The following IFT80 variants were observed in gnomAD, a reference collection of about 807,000 sequenced individuals.
IFT80 encodes intraflagellar transport 80.
A neutral mutation model predicts 107.9 loss-of-function variants in IFT80; 79 were observed. The ratio of observed to expected loss-of-function variants is 0.73; its 90% CI spans 0.61 to 0.88. The LOEUF (loss-of-function observed/expected upper bound fraction) is 0.88, where lower values mean the gene tolerates loss of function less well. Among genes scored for constraint, IFT80 ranks in the 40% least tolerant of loss-of-function variants. The pLI is 0.00. For synonymous variants in IFT80, 299 were observed against 300.9 expected, an observed-to-expected ratio of 0.99 and a Z score of 0.07; for missense variants, 797 against 914.2, an observed-to-expected ratio of 0.87 and a Z score of 1.65.
At chr3:160,380,280 G>A (rs934988530) in intron 3 of IFT80, among the ~76,000 whole-genome samples, 10 of 151,700 alleles carry the variant, frequency 6.6e-5, no homozygotes, top group Non-Finnish European at 8.8e-5. Context: ...CAAATGATGC[G>A]CCCACCTCAG....
intron 1 of IFT80, among the ~76,000 whole-genome samples, chr3:160,398,078 C>A (rs1410073965): frequency 6.6e-6 from 1 of 152,112 alleles, no homozygotes; most frequent in Admixed American, 6.5e-5. Context: ...TGCTTACCAG[C>A]CAAAAAACTT....
chr3:160,362,780 C>A (rs939295720), intron 6 of IFT80, among the ~76,000 whole-genome samples: 1 of 152,166 alleles, frequency 6.6e-6, no homozygotes, highest in East Asian at 1.9e-4. Flanking sequence ...ATGATTATCT[C>A]AATAGATGCA....
intron 8 of IFT80, among the ~76,000 whole-genome samples, chr3:160,324,714 G>T (rs201473602): frequency 6.6e-6 from 1 of 152,038 alleles, no homozygotes; most frequent in Non-Finnish European, 1.5e-5. Context: ...CTTTGAAAAC[G>T]GGCACAGGAC....
intron 1 of IFT80, among the ~76,000 whole-genome samples, chr3:160,392,970 G>A (rs940331428): frequency 6.6e-6 from 1 of 152,200 alleles, no homozygotes; most frequent in Non-Finnish European, 1.5e-5. Context: ...ACTTGGGAAG[G>A]CTGAAGCAGG....
At chr3:160,313,660 A>C (rs867962502) in intron 9 of IFT80, among the ~76,000 whole-genome samples, 41 of 147,376 alleles carry the variant, frequency 2.8e-4, no homozygotes, top group African/African-American at 9.6e-4. Context: ...CCCAGGCTGG[A>C]GTGCAGTGGC....
In IFT80 at chr3:160,303,934, A is replaced by G. The variant is rs1423427929; in HGVS notation, c.1132T>C (p.Leu378=). ...AATTACCTTTCTGCCTGCAGAATCA[A>G]ACTAACAGTTCCTTCTTTGAGATCA... ...IFDLKEGTVS[L]ILQAERHFLL... The change falls in exon 11 of 20, where the codon TTG becomes CTG. Residue 378 remains leucine (L), a synonymous_variant. Coordinates refer to ENST00000326448, the MANE Select transcript of IFT80 (RefSeq NM_020800.3). The G allele has an allele frequency of 6.2e-7, 1 of 1,610,872 alleles. No individual in the cohort carries two copies. Among genetic ancestry groups the G allele is most frequent in the South Asian group, 1.1e-5 (1 of 90,976 alleles).
At position 160,319,741 on chromosome 3, in the gene IFT80, C is replaced by A; in HGVS notation, c.957+19G>T. 1.9e-6 allele frequency: 3 copies of A among 1,605,388 alleles called. No homozygotes were observed. The highest frequency in any genetic ancestry group is 2.2e-5 in the South Asian group (2 of 90,870). On this transcript the variant is annotated intron_variant, in intron 9 of 19. Coordinates refer to ENST00000326448, the MANE Select transcript of IFT80 (RefSeq NM_020800.3). ...TATGAAAAGAAGCAGGTTTAATCAA[C>A]CTTGGAACATAATAATACCTGCATG...
At chr3:160,295,254 C>G (rs373996116) in intron 12 of IFT80, among the ~76,000 whole-genome samples, 2 of 152,116 alleles carry the variant, frequency 1.3e-5, no homozygotes, top group East Asian at 3.9e-4. Flanking sequence ...TTGCCCACTT[C>G]TAGTGAGAAT....
intron 12 of IFT80, chr3:160,299,290 G>A: frequency 9.3e-7 from 1 of 1,073,884 alleles, no homozygotes. Context: ...TGAAGAGATA[G>A]AAAAGCTCTA....
chr3:160,275,934 G>A (rs1264959698), intron 18 of IFT80, among the ~76,000 whole-genome samples: 2 of 151,922 alleles, frequency 1.3e-5, no homozygotes, highest in African/African-American at 2.4e-5. Context: ...ATGGAGTCTC[G>A]GTCTGGTCGC....
rs539691541 is a variant in IFT80, at chr3:160,317,780, C to G, written c.957+1980G>C. 1.2e-4 allele frequency among the ~76,000 whole-genome samples: 18 copies of G among 152,146 alleles called. No homozygotes were observed. The South Asian group carries it at 3.5e-3, about 30-fold the overall frequency. ...CTGAGAAACTCTACCAGACAGATAA[C>G]TTGGTTCTTCAACAAACAAAATGCA... On this transcript the variant is annotated intron_variant, in intron 9 of 19. Transcript: ENST00000326448.
intron 8 of IFT80, among the ~76,000 whole-genome samples, chr3:160,343,258 C>T (rs1223978661): frequency 6.6e-6 from 1 of 152,010 alleles, no homozygotes; most frequent in Non-Finnish European, 1.5e-5. Context: ...CAGGGAGATG[C>T]CTTTTTATTA....
intron 12 of IFT80, among the ~76,000 whole-genome samples, chr3:160,286,098 TG>T (rs1715070206): frequency 6.6e-6 from 1 of 152,214 alleles, no homozygotes; most frequent in African/African-American, 2.4e-5. Flanking sequence ...ATTAATGGTA[TG>T]GCATTAATGC....
chr3:160,274,969 T>C (rs1714137222), intron 18 of IFT80, among the ~76,000 whole-genome samples: 2 of 152,234 alleles, frequency 1.3e-5, no homozygotes. Context: ...GATAATTGAT[T>C]GCTTAGTGAT....
Position 160,357,544 on chromosome 3 carries a change from T to C in IFT80, c.584A>G (p.Asp195Gly), listed in dbSNP as rs180860270. Residue 195 changes from aspartate (D) to glycine (G), a missense_variant, in exon 7 of 20, where the codon GAT becomes GGT. Transcript: ENST00000326448. ...AATAAGATCATTGACCGAGTTCCAA[T>C]CTACTTTTAAAATAATGCCATCATG... ...KAHDGIILKV[D>G]WNSVNDLILS... 1 of 1,598,940 alleles carries C rather than the reference T, an allele frequency of 6.3e-7. No homozygotes were observed. Among genetic ancestry groups the C allele is most frequent in the Non-Finnish European group, 8.6e-7 (1 of 1,166,572 alleles).
rs1314663159 is a variant in IFT80, at chr3:160,383,539, TAA to T, written c.37+1023_37+1024del. 7 of 778,084 alleles carry T rather than the reference TAA, an allele frequency of 9.0e-6. No homozygotes were observed. In the Admixed American group the frequency reaches 4.4e-4, roughly 49 times the overall value. 48.2% of individuals were successfully genotyped at this position (778,084 alleles called of 1,614,324 possible). Reference sequence around the variant, plus strand: ...GAATCCATTGCATATGGATATTTCGTAAGATACAATAAAAATAAAATATTAGA... The same window carrying T: ...GAATCCATTGCATATGGATATTTCGTGATACAATAAAAATAAAATATTAGA... On this transcript the variant is annotated intron_variant, in intron 2 of 19. Coordinates refer to ENST00000326448, the MANE Select transcript of IFT80 (RefSeq NM_020800.3).
At chr3:160,303,633 ATT>A (rs1385418471) in intron 11 of IFT80, among the ~76,000 whole-genome samples, 3 of 152,194 alleles carry the variant, frequency 2.0e-5, no homozygotes, top group African/African-American at 7.2e-5. Context: ...TAGCTTTAAA[ATT>A]TGTTTTAATT....
chr3:160,371,583 C>G (rs1017055501), intron 5 of IFT80, among the ~76,000 whole-genome samples: 1 of 152,138 alleles, frequency 6.6e-6, no homozygotes, highest in African/African-American at 2.4e-5. Context: ...GCTGGGACTA[C>G]AGGGATGCAC....
intron 18 of IFT80, among the ~76,000 whole-genome samples, chr3:160,273,064 A>T (rs1713948650): frequency 6.6e-6 from 1 of 152,204 alleles, no homozygotes; most frequent in Admixed American, 6.5e-5. Context: ...ATACCAAGCG[A>T]TTACACTTAA....
Sources: gnomAD v4.1 joint callset for allele counts (sites outside exome capture counted in the v4.1 genomes callset) on GRCh38, gnomAD v4.1.1 for gene constraint, MANE v1.5 for transcripts, NCBI Gene and HGNC (gene_info 2026-07-23, HGNC 2026-07-21) for gene names.